RANBP2: variants seen among roughly 807,000 people sequenced by gnomAD.
The protein encoded by RANBP2 is RAN binding protein 2.
RANBP2 carries 57 observed loss-of-function variants against 303.6 expected under a neutral mutation model. That is an observed-to-expected ratio of 0.19 (90% CI 0.15 to 0.23). RANBP2 has a LOEUF of 0.23. RANBP2 is among the 10% of genes least tolerant of loss of function. RANBP2 has a pLI of 1.00. For synonymous variants in RANBP2, 1,167 were observed against 1,301.5 expected (o/e 0.90, Z 2.23); for missense variants, 3,138 against 3,780.8 (o/e 0.83, Z 4.46).
the RANBP2 span, among the ~76,000 whole-genome samples, chr2:109,621,161 G>C: frequency 6.6e-6 from 1 of 151,922 alleles, no homozygotes; most frequent in Non-Finnish European, 1.5e-5. Context: ...TGTTGTTGTT[G>C]TTTTCTTTTT....
the RANBP2 span, among the ~76,000 whole-genome samples, chr2:109,526,274 G>T: frequency 2.6e-5 from 4 of 152,228 alleles, no homozygotes; most frequent in Non-Finnish European, 4.4e-5. Flanking sequence ...CCCTGGGCAA[G>T]GCACCAGCCT....
intron 1 of RANBP2, among the ~76,000 whole-genome samples, chr2:108,726,895 ATCC>A (rs1228156157): frequency 6.6e-6 from 1 of 152,134 alleles, no homozygotes; most frequent in Non-Finnish European, 1.5e-5. Flanking sequence ...ACCGCCCTTA[ATCC>A]ATTTAACCCT....
At chr2:109,426,581 T>A in the RANBP2 span, among the ~76,000 whole-genome samples, 1 of 152,242 alleles carries the variant, frequency 6.6e-6, no homozygotes, top group Admixed American at 6.5e-5. Flanking sequence ...AAGTAGTTTC[T>A]TGAGATAAAA....
the RANBP2 span, among the ~76,000 whole-genome samples, chr2:109,558,533 G>A: frequency 6.6e-6 from 1 of 152,068 alleles, no homozygotes; most frequent in East Asian, 1.9e-4. Context: ...TTTTATAAAG[G>A]CATGTTTCCA....
chr2:109,462,115 T>G, the RANBP2 span, among the ~76,000 whole-genome samples: 1 of 150,710 alleles, frequency 6.6e-6, no homozygotes, highest in Non-Finnish European at 1.5e-5. Context: ...TACCAACAAA[T>G]CTAGAGTAGT....
At chr2:108,895,778 T>A in the RANBP2 span, 1 of 152,136 alleles carries the variant, frequency 6.6e-6, no homozygotes, top group Non-Finnish European at 1.5e-5. Flanking sequence ...TCCCTCGACA[T>A]CAAGCCCAGG....
chr2:109,427,204 G>A, the RANBP2 span, among the ~76,000 whole-genome samples: 1 of 152,106 alleles, frequency 6.6e-6, no homozygotes, highest in Admixed American at 6.6e-5. Flanking sequence ...CCTGACCTCA[G>A]GTGATCCACC....
chr2:109,272,527 T>C, the RANBP2 span, among the ~76,000 whole-genome samples: 1 of 152,012 alleles, frequency 6.6e-6, no homozygotes, highest in Non-Finnish European at 1.5e-5. Context: ...AGGGGCCGAG[T>C]AGGGTGTGTT....
chr2:108,719,700 C>A (rs757820187), intron 1 of RANBP2, 22 bp downstream of exon 1: 96 of 1,580,900 alleles, frequency 6.1e-5, no homozygotes, highest in Non-Finnish European at 7.8e-5. Flanking sequence ...TCGAAGAGAC[C>A]GACGGCCTCG....
At chr2:108,991,943 A>C in the RANBP2 span, among the ~76,000 whole-genome samples, 2 of 152,032 alleles carry the variant, frequency 1.3e-5, no homozygotes, top group Admixed American at 1.3e-4. Context: ...GGGATTACAG[A>C]CATGTGCCAC....
At chr2:109,564,156 A>C in the RANBP2 span, 1 of 410,442 alleles carries the variant, frequency 2.4e-6, no homozygotes, top group Non-Finnish European at 4.2e-6. Context: ...ACTCTTTTTG[A>C]GTCAGACAAG....
At chr2:109,614,883 C>G in the RANBP2 span, 56 of 1,426,672 alleles carry the variant, frequency 3.9e-5, no homozygotes, top group Non-Finnish European at 4.5e-5. Context: ...TGGACAGGGC[C>G]GCGAGCTGGG....
At chr2:109,398,976 G>C in the RANBP2 span, 16 of 1,563,258 alleles carry the variant, frequency 1.0e-5, no homozygotes, top group South Asian at 2.4e-5. Flanking sequence ...AGGCATCCCT[G>C]GGTTCTCTGG....
At chr2:108,873,618 T>C in the RANBP2 span, 1 of 1,467,572 alleles carries the variant, frequency 6.8e-7, no homozygotes, top group Non-Finnish European at 9.4e-7. Flanking sequence ...TAACATTTTT[T>C]ATTGAAAAAT....
At chr2:109,270,482 T>G in the RANBP2 span, among the ~76,000 whole-genome samples, 1 of 152,194 alleles carries the variant, frequency 6.6e-6, no homozygotes, top group Non-Finnish European at 1.5e-5. Context: ...GCTGGGGCTC[T>G]GAGCCACTGG....
At chr2:109,073,441 G>A in the RANBP2 span, among the ~76,000 whole-genome samples, 4 of 152,180 alleles carry the variant, frequency 2.6e-5, no homozygotes, top group African/African-American at 4.8e-5. Flanking sequence ...GGCTGAGGTG[G>A]GTGGATCACG....
At chr2:109,646,275 A>G in the RANBP2 span, among the ~76,000 whole-genome samples, 4,868 of 152,256 alleles carry the variant, frequency 0.032, 90 homozygotes, top group South Asian at 0.069. Flanking sequence ...ATCGGGTGCA[A>G]AATGTAAGGG....
chr2:109,342,416 A>T, the RANBP2 span, among the ~76,000 whole-genome samples: 2 of 152,230 alleles, frequency 1.3e-5, no homozygotes, highest in Non-Finnish European at 2.9e-5. Context: ...GGAGCATCCA[A>T]CAGTGAGCAA....
At chr2:109,102,175 A>G in the RANBP2 span, among the ~76,000 whole-genome samples, 1 of 151,930 alleles carries the variant, frequency 6.6e-6, no homozygotes, top group African/African-American at 2.4e-5. Context: ...ATCTTGGCTC[A>G]CTGCAAGCTC....
Sources: allele counts gnomAD v4.1 joint callset (sites outside exome capture counted in the v4.1 genomes callset), GRCh38; gene constraint gnomAD v4.1.1; transcripts MANE v1.5; gene names NCBI Gene and HGNC (gene_info 2026-07-23, HGNC 2026-07-21).